C20orf203: variants seen among roughly 807,000 people sequenced by gnomAD.
The protein encoded by C20orf203 is uncharacterized protein C20orf203.
Under a neutral mutation model 15.9 loss-of-function variants are expected in C20orf203, and 16 were observed. The ratio of observed to expected loss-of-function variants is 1.01; its 90% CI spans 0.68 to 1.53. C20orf203 has a LOEUF of 1.53. C20orf203 is among the 40% of genes most tolerant of loss of function. C20orf203 has a pLI of 0.00. For synonymous variants in C20orf203, 98 were observed against 97.2 expected, an observed-to-expected ratio of 1.01 and a Z score of -0.05; for missense variants, 263 against 247.5, an observed-to-expected ratio of 1.06 and a Z score of -0.42.
At chr20:32,642,526 G>A (rs1398241080) in intron 4 of C20orf203, among the ~76,000 whole-genome samples, 1 of 152,228 alleles carries the variant, frequency 6.6e-6, no homozygotes, top group Non-Finnish European at 1.5e-5. Context: ...AGGCCACCAG[G>A]CAACTGCCTC....
chr20:32,638,486 C>G (rs1982196554), intron 5 of C20orf203, among the ~76,000 whole-genome samples: 1 of 152,154 alleles, frequency 6.6e-6, no homozygotes, highest in Non-Finnish European at 1.5e-5. Flanking sequence ...CCCAGGGTCA[C>G]AGAGGTGGTC....
chr20:32,665,634 A>G (rs1983000472), intron 1 of C20orf203, among the ~76,000 whole-genome samples: 1 of 152,184 alleles, frequency 6.6e-6, no homozygotes, highest in Non-Finnish European at 1.5e-5. Flanking sequence ...AGTGTGAGCC[A>G]CACAGGGAAT....
intron 1 of C20orf203, among the ~76,000 whole-genome samples, chr20:32,669,977 G>A (rs1983123067): frequency 6.6e-6 from 1 of 152,136 alleles, no homozygotes; most frequent in East Asian, 1.9e-4. Flanking sequence ...TGAGGAGGGT[G>A]GATTCACGAG....
chr20:32,647,056 AGTG>A (rs1265724898), intron 4 of C20orf203, among the ~76,000 whole-genome samples: 1 of 152,206 alleles, frequency 6.6e-6, no homozygotes, highest in African/African-American at 2.4e-5. Context: ...CTCACTCATA[AGTG>A]GAGAGGCTCA....
chr20:32,660,394 C>T (rs1427199414), intron 1 of C20orf203, among the ~76,000 whole-genome samples: 1 of 152,238 alleles, frequency 6.6e-6, no homozygotes, highest in Non-Finnish European at 1.5e-5. Context: ...CCCGAGCTTA[C>T]TCCATGCCCT....
At chr20:32,660,904 C>T (rs1213753316) in intron 1 of C20orf203, among the ~76,000 whole-genome samples, 1 of 152,068 alleles carries the variant, frequency 6.6e-6, no homozygotes, top group African/African-American at 2.4e-5. Flanking sequence ...ATCATCAGAT[C>T]TCGTGAGAAT....
chr20:32,654,194 TCTACACA>T (rs1982704791), intron 1 of C20orf203, among the ~76,000 whole-genome samples: 1 of 152,158 alleles, frequency 6.6e-6, no homozygotes, highest in Non-Finnish European at 1.5e-5. Context: ...CAATTGAGCT[TCTACACA>T]TTTGCAATGA....
At chr20:32,670,925 A>G (rs1018662745) in intron 1 of C20orf203, among the ~76,000 whole-genome samples, 2 of 152,200 alleles carry the variant, frequency 1.3e-5, no homozygotes, top group Non-Finnish European at 2.9e-5. Context: ...AGAACATGAA[A>G]AAGTGCTCAA....
chr20:32,653,293 C>G (rs1467249034), intron 1 of C20orf203, among the ~76,000 whole-genome samples: 1 of 152,156 alleles, frequency 6.6e-6, no homozygotes, highest in Non-Finnish European at 1.5e-5. Flanking sequence ...AGAACAGAAC[C>G]CAGAAGTTCC....
chr20:32,639,137 C>T (rs1379285408), intron 5 of C20orf203, among the ~76,000 whole-genome samples: 1 of 152,228 alleles, frequency 6.6e-6, no homozygotes, highest in African/African-American at 2.4e-5. Context: ...CTCTCCGCCA[C>T]GAGCCTGTGT....
chr20:32,664,714 C>T lies in C20orf203; in HGVS notation c.-264+8918G>A, dbSNP rs111871599. Among the ~76,000 whole-genome samples, 21 of 152,332 alleles carry T rather than the reference C, an allele frequency of 1.4e-4. 1 individual carries two copies. The highest frequency in any genetic ancestry group is 8.3e-4 in the South Asian group (4 of 4,830). ...TCCTCTCTCAGGAACTGAGGCCACA[C>T]GCTGCCACCCACACCATCCCAGCCA... On this transcript the variant is annotated intron_variant, in intron 1 of 5. Coordinates refer to ENST00000608990, the MANE Select transcript of C20orf203 (RefSeq NM_182584.4).
At chr20:32,670,259 C>A (rs1983132387) in intron 1 of C20orf203, among the ~76,000 whole-genome samples, 1 of 151,456 alleles carries the variant, frequency 6.6e-6, no homozygotes, top group Non-Finnish European at 1.5e-5. Context: ...AATCCCAGCA[C>A]TTTGGGAGCC....
In C20orf203 at chr20:32,671,485, G is replaced by C. The variant is rs571412493; in HGVS notation, c.-264+2147C>G. On this transcript the variant is annotated intron_variant, in intron 1 of 5. Coordinates refer to ENST00000608990, the MANE Select transcript of C20orf203 (RefSeq NM_182584.4). ...ATATGAGGAATCCAAAGAAGAAACAGAAAGTAGAAGAAAGAAAAAAAATAA... is the reference window on the plus strand; with the variant it reads ...ATATGAGGAATCCAAAGAAGAAACACAAAGTAGAAGAAAGAAAAAAAATAA... Among the ~76,000 whole-genome samples, 24 of 151,512 alleles carry C rather than the reference G, an allele frequency of 1.6e-4. 1 individual carries two copies. Among genetic ancestry groups the C allele is most frequent in the African/African-American group, 5.8e-4 (24 of 41,248 alleles).
chr20:32,661,203 C>T (rs1220554671), intron 1 of C20orf203, among the ~76,000 whole-genome samples: 1 of 152,206 alleles, frequency 6.6e-6, no homozygotes, highest in Non-Finnish European at 1.5e-5. Flanking sequence ...CTGTTCTCCA[C>T]TCATTCATAC....
intron 1 of C20orf203, among the ~76,000 whole-genome samples, chr20:32,658,860 A>G (rs6141772): frequency 6.7e-6 from 1 of 150,016 alleles, no homozygotes; most frequent in South Asian, 2.1e-4. Flanking sequence ...GCGGCTTCCC[A>G]GAGACTCAGA....
chr20:32,635,709 G>T (rs1982120439), intron 5 of C20orf203, among the ~76,000 whole-genome samples: 1 of 152,160 alleles, frequency 6.6e-6, no homozygotes, highest in Non-Finnish European at 1.5e-5. Context: ...TACTCGGGAG[G>T]CTGAGGTGGG....
At chr20:32,671,095 G>A (rs1452827851) in intron 1 of C20orf203, among the ~76,000 whole-genome samples, 4 of 151,808 alleles carry the variant, frequency 2.6e-5, no homozygotes. Flanking sequence ...ATGTTAAATG[G>A]TGCAGCTGCT....
At chr20:32,666,797 T>TTA (rs34933326) in intron 1 of C20orf203, among the ~76,000 whole-genome samples, 6,474 of 65,400 alleles carry the variant, frequency 0.099, 718 homozygotes, top group Admixed American at 0.16. Context: ...TAATTTTAAT[T>TTA]TATATATATA....
intron 4 of C20orf203, among the ~76,000 whole-genome samples, chr20:32,642,303 C>T (rs1322281411): frequency 1.3e-5 from 2 of 152,236 alleles, no homozygotes; most frequent in African/African-American, 4.8e-5. Flanking sequence ...CTTGGCCCTG[C>T]TCTGAGCAGG....
Sources: allele counts gnomAD v4.1 joint callset (sites outside exome capture counted in the v4.1 genomes callset), GRCh38; gene constraint gnomAD v4.1.1; transcripts MANE v1.5; gene names NCBI Gene and HGNC (gene_info 2026-07-23, HGNC 2026-07-21).